Variants in LAMA4 observed in about 807,000 individuals in gnomAD.
LAMA4 encodes the protein laminin subunit alpha-4.
In LAMA4, 127 loss-of-function variants were observed where a neutral mutation model predicts 207.1. That is an observed-to-expected ratio of 0.61 (90% CI 0.53 to 0.71). The LOEUF is 0.71. Among genes scored for constraint, LAMA4 ranks in the 30% least tolerant of loss-of-function variants. The pLI is 0.00. For synonymous variants in LAMA4, 761 were observed against 816.0 expected (o/e 0.93, Z 1.15); for missense variants, 2,093 against 2,246.5 (o/e 0.93, Z 1.38).
In LAMA4 at chr6:112,207,541, A is replaced by C. The variant is rs561363496; in HGVS notation, c.298-396T>G. ...AGAAACCAACCAACCAACCAACCAA[A>C]CAAACAAACATCCCCCTGGTACTTA... is the stretch of plus-strand genomic sequence containing the variant. On this transcript the variant is annotated intron_variant, in intron 3 of 38. Coordinates refer to ENST00000230538, the MANE Select transcript of LAMA4 (RefSeq NM_001105206.3). 6.3e-4 allele frequency among the ~76,000 whole-genome samples: 87 copies of C among 138,152 alleles called. 1 individual carries two copies. The highest frequency in any genetic ancestry group is 3.2e-3 in the Admixed American group (47 of 14,682). 90.6% of individuals were successfully genotyped at this position (138,152 alleles called of 152,430 possible). A position where few individuals can be genotyped will look rare whatever the true frequency, so the allele number is the denominator to read the frequency against.
chr6:112,129,170 ATGTGTGTGTGTGTGTGCATG>A, intron 30 of LAMA4, 95 bp from the exon 31 acceptor site: 8 of 979,550 alleles, frequency 8.2e-6, no homozygotes, highest in Non-Finnish European at 1.2e-5. Context: ...GGCAATTAAA[ATGTGTGTGTGTGTGTGCATG>A]TGTGTGTGTG....
rs782368862 is a variant in LAMA4 at position 112,154,730 on chromosome 6, G to C, written c.2056+121C>G. 7.9e-5 allele frequency: 59 copies of C among 743,266 alleles called. No homozygotes were observed. The African/African-American group carries it at 9.5e-4, about 12-fold the overall frequency. 46.0% of individuals were successfully genotyped at this position (743,266 alleles called of 1,614,324 possible). A position where few individuals can be genotyped will look rare whatever the true frequency, so the allele number is the denominator to read the frequency against. ...AACTTGACTCTGAGCAGGAACTACTGATATGTTATGTAGTTATAATACTAT... is the reference window on the plus strand; with the variant it reads ...AACTTGACTCTGAGCAGGAACTACTCATATGTTATGTAGTTATAATACTAT... On this transcript the variant is annotated intron_variant, in intron 16 of 38. Transcript: ENST00000230538.
intron 3 of LAMA4, among the ~76,000 whole-genome samples, chr6:112,211,893 T>A (rs1554356775): frequency 6.6e-6 from 1 of 152,136 alleles, no homozygotes; most frequent in Non-Finnish European, 1.5e-5. Flanking sequence ...TCTCCATTGC[T>A]GTGTGGGAGA....
rs542216223 is a variant in LAMA4 at position 112,188,849 on chromosome 6, T to A, written c.814+261A>T. On this transcript the variant is annotated intron_variant, in intron 7 of 38. Coordinates refer to ENST00000230538, the MANE Select transcript of LAMA4 (RefSeq NM_001105206.3). Reference sequence around the variant, plus strand: ...TGGGAGTTGTGTTTCTGACTTTGCCTTTAGCCATTAGGTAAGATTCTGAAT... The same window carrying A: ...TGGGAGTTGTGTTTCTGACTTTGCCATTAGCCATTAGGTAAGATTCTGAAT... 4.0e-4 allele frequency: 174 copies of A among 430,874 alleles called. 1 individual carries two copies. Among genetic ancestry groups the A allele is most frequent in the African/African-American group, 3.2e-3 (161 of 50,392 alleles). The allele number at this position is 430,874 out of a possible 1,614,324, so 26.7% of individuals were successfully genotyped here. A position where few individuals can be genotyped will look rare whatever the true frequency, so the allele number is the denominator to read the frequency against.
chr6:112,148,445 C>G, intron 17 of LAMA4, 109 bp from the exon 18 acceptor site: 5 of 1,215,104 alleles, frequency 4.1e-6, no homozygotes, highest in Non-Finnish European at 5.9e-6. Context: ...ATTTTGGGCT[C>G]TTAAGCAAAA....
rs1414574619 is a variant in LAMA4 at position 112,115,900 on chromosome 6, T to C, written c.5075A>G (p.Asn1692Ser). Reference sequence around the variant, plus strand: ...CATGTGAACATTTAGGTACTCCCCATTGACACTGTGGCCGTGGACCAGGGT... The same window carrying C: ...CATGTGAACATTTAGGTACTCCCCACTGACACTGTGGCCGTGGACCAGGGT... ...SGTLVHGHSV[N>S]GEYLNVHMKN... Residue 1692 changes from asparagine to serine, a missense_variant, in exon 36 of 39, where the codon AAT becomes AGT. Physicochemically the swap from Asn to Ser is conservative, Grantham distance 46. Around this residue, in one of 3 missense-constraint regions of LAMA4, gnomAD observed 383 missense variants for 437.8 expected, o/e 0.87. Coordinates refer to ENST00000230538, the MANE Select transcript of LAMA4 (RefSeq NM_001105206.3). 4.3e-6 allele frequency: 7 copies of C among 1,613,554 alleles called. No individual in the cohort carries two copies. The highest frequency in any genetic ancestry group is 1.1e-5 in the South Asian group (1 of 91,080).
intron 2 of LAMA4, chr6:112,253,662 T>C (rs543501580): frequency 7.4e-7 from 1 of 1,357,244 alleles, no homozygotes; most frequent in Non-Finnish European, 1.0e-6. Flanking sequence ...AAGTCACCGA[T>C]GTGCTGCTGC....
chr6:112,123,251 A>G (rs1778482547), intron 31 of LAMA4, among the ~76,000 whole-genome samples: 2 of 152,182 alleles, frequency 1.3e-5, no homozygotes, highest in Non-Finnish European at 2.9e-5. Context: ...CAGAGGCAGG[A>G]TTAGATACAA....
At chr6:112,254,348 T>TCTCTCTCTCTCCCCTTCTCCCC (rs1787711906) in intron 1 of LAMA4, 57 bp from the exon 2 acceptor site, 2 of 521,694 alleles carry the variant, frequency 3.8e-6, no homozygotes, top group African/African-American at 2.4e-5. Flanking sequence ...TCTCTCTCCC[T>TCTCTCTCTCTCCCCTTCTCCCC]CTCTCTCTCT....
rs113448441 is a variant in LAMA4, at chr6:112,140,724, A to G, written c.2976+36T>C. On this transcript the variant is annotated intron_variant, in intron 22 of 38. Coordinates refer to ENST00000230538, the MANE Select transcript of LAMA4 (RefSeq NM_001105206.3). ...GGATTTATAAAAACAATTACTGTAG[A>G]TTTGTAATAGGTCAAAATATAGCTG... 8.7e-6 allele frequency: 14 copies of G among 1,600,322 alleles called. No homozygotes were observed. The African/African-American group carries it at 1.5e-4, about 17-fold the overall frequency.
intron 29 of LAMA4, chr6:112,130,280 A>G: frequency 1.9e-6 from 1 of 516,960 alleles, no homozygotes; most frequent in African/African-American, 2.0e-5. Flanking sequence ...AATTCAGATG[A>G]CTAGTCATCA....
Position 112,188,430 on chromosome 6 carries a change from C to A in LAMA4, c.814+680G>T, listed in dbSNP as rs151049253. ...GGGTGTAAACTTGGCATTACTTGTG[C>A]CTCACATCCTATGGCATCTTCTAAG... On this transcript the variant is annotated intron_variant, in intron 7 of 38. Coordinates refer to ENST00000230538, the MANE Select transcript of LAMA4 (RefSeq NM_001105206.3). 6.6e-5 allele frequency among the ~76,000 whole-genome samples: 10 copies of A among 152,218 alleles called. No homozygotes were observed. In the East Asian group the frequency reaches 1.9e-3, roughly 29 times the overall value.
At chr6:112,232,991 T>G (rs1369020701) in intron 2 of LAMA4, among the ~76,000 whole-genome samples, 2 of 152,204 alleles carry the variant, frequency 1.3e-5, no homozygotes, top group African/African-American at 4.8e-5. Flanking sequence ...ATGGGACTTG[T>G]TCCAATATAA....
At chr6:112,120,497 A>G (rs1389367777) in intron 32 of LAMA4, 25 bp from the exon 33 acceptor site, 2 of 1,566,482 alleles carry the variant, frequency 1.3e-6, no homozygotes, top group East Asian at 4.5e-5. Flanking sequence ...GAAAGGGATT[A>G]CCATATGTAA....
intron 4 of LAMA4, among the ~76,000 whole-genome samples, chr6:112,205,537 T>C (rs1404868139): frequency 6.6e-6 from 1 of 152,024 alleles, no homozygotes; most frequent in African/African-American, 2.4e-5. Context: ...TGAACCTAGA[T>C]TGGCTACTCT....
At chr6:112,128,361 A>G (rs781838722) in intron 31 of LAMA4, among the ~76,000 whole-genome samples, 3 of 152,134 alleles carry the variant, frequency 2.0e-5, no homozygotes, top group Non-Finnish European at 2.9e-5. Context: ...GCATGTTATC[A>G]TAAGTGGGAG....
chr6:112,167,591 A>G (rs1328295760), intron 12 of LAMA4, among the ~76,000 whole-genome samples: 1 of 152,200 alleles, frequency 6.6e-6, no homozygotes, highest in East Asian at 1.9e-4. Flanking sequence ...TGGTGAAAGT[A>G]GTGTTTAGTA....
At chr6:112,207,255 C>T (rs1554354662) in intron 3 of LAMA4, 110 bp from the exon 4 acceptor site, 15 of 1,180,978 alleles carry the variant, frequency 1.3e-5, no homozygotes, top group Non-Finnish European at 8.7e-6. Flanking sequence ...TCAGATCAGA[C>T]AGCACAGACT....
intron 25 of LAMA4, among the ~76,000 whole-genome samples, chr6:112,134,888 T>C (rs1554331011): frequency 1.3e-5 from 2 of 151,436 alleles, no homozygotes; most frequent in African/African-American, 4.9e-5. Flanking sequence ...TTCCTCCTGC[T>C]CCTTCTGAGA....
Sources: gnomAD v4.1 joint callset for allele counts (sites outside exome capture counted in the v4.1 genomes callset) on GRCh38, gnomAD v4.1.1 for gene constraint, gnomAD v4.1.1 regional missense constraint, MANE v1.5 for transcripts, NCBI Gene and HGNC (gene_info 2026-07-23, HGNC 2026-07-21) for gene names.